Variants in ZDHHC22 observed in about 807,000 individuals in gnomAD.
ZDHHC22 encodes palmitoyltransferase ZDHHC22.
In ZDHHC22, 13 loss-of-function variants were observed where a neutral mutation model predicts 17.0. The observed-to-expected ratio is 0.76, with a 90% CI of 0.50 to 1.21. The LOEUF (loss-of-function observed/expected upper bound fraction) is 1.21, where lower values mean the gene tolerates loss of function less well. Among genes scored for constraint, ZDHHC22 ranks in the 50% most tolerant of loss-of-function variants. The probability of loss-of-function intolerance (pLI) is 0.00; values close to 1 mark genes in which losing one functional copy is unlikely to be tolerated. For missense variants in ZDHHC22, 319 were observed against 342.3 expected (o/e 0.93, Z 0.54); for synonymous variants, 138 against 154.7 (o/e 0.89, Z 0.80).
At chr14:77,138,175 G>A (rs1248153881) in intron 2 of ZDHHC22, among the ~76,000 whole-genome samples, 1 of 152,166 alleles carries the variant, frequency 6.6e-6, no homozygotes, top group Non-Finnish European at 1.5e-5. Context: ...CAGTCTCAAG[G>A]CCAAATAAAG....
In ZDHHC22 at chr14:77,131,374, T is replaced by TC. The variant is rs1887023881; in HGVS notation, c.*2308dup. The stretch of plus-strand genomic sequence containing the variant: ...ACATCTGGCAACCTCCCCACCGTCA[T>TC]CCCCCATTGACCAGTCTGCAAGCAG... On this transcript the variant is annotated 3_prime_UTR_variant, in exon 3 of 3. Transcript: ENST00000319374. The TC allele has an allele frequency of 6.6e-6, 1 of 152,188 alleles. No homozygotes were observed. Among genetic ancestry groups the TC allele is most frequent in the African/African-American group, 2.4e-5 (1 of 41,412 alleles). The allele number at this position is 152,188 out of a possible 1,614,324, so 9.4% of individuals were successfully genotyped here.
chr14:77,135,615 C>T (rs2140050865), intron 2 of ZDHHC22, among the ~76,000 whole-genome samples: 1 of 152,298 alleles, frequency 6.6e-6, no homozygotes, highest in East Asian at 1.9e-4. Flanking sequence ...CATGTCGGCA[C>T]AGATTAGCTT....
Position 77,140,860 on chromosome 14 carries a change from C to A in ZDHHC22, c.-15+743G>T, listed in dbSNP as rs990549642. ...GTTCCTGGCCAGCTTCGGAAGCCACCGAGAAATAGGATTCCGTGCGCCCGA... is the reference window on the plus strand; with the variant it reads ...GTTCCTGGCCAGCTTCGGAAGCCACAGAGAAATAGGATTCCGTGCGCCCGA... On this transcript the variant is annotated intron_variant, in intron 1 of 2. Coordinates refer to ENST00000319374, the MANE Select transcript of ZDHHC22 (RefSeq NM_174976.2). The surrounding 1 kb of genome is among the most constrained non-coding windows in gnomAD (Gnocchi z 5.9). 1.3e-5 allele frequency: 2 copies of A among 152,298 alleles called. No homozygotes were observed. Among genetic ancestry groups the A allele is most frequent in the Admixed American group, 6.5e-5 (1 of 15,282 alleles). 9.4% of individuals were successfully genotyped at this position (152,298 alleles called of 1,614,324 possible).
Position 77,139,749 on chromosome 14 carries a change from A to T in ZDHHC22, c.-11T>A. The T allele has an allele frequency of 6.8e-7, 1 of 1,480,370 alleles. No individual in the cohort carries two copies. Among genetic ancestry groups the T allele is most frequent in the East Asian group, 2.4e-5 (1 of 41,924 alleles). 91.7% of individuals were successfully genotyped at this position (1,480,370 alleles called of 1,614,324 possible). ...CCGCAGGGCCAGCATCCTCGATTAC[A>T]TTCCTGCGGGGCCCGGGGTGAGAAG... is the stretch of plus-strand genomic sequence containing the variant. On this transcript the variant is annotated 5_prime_UTR_variant, in exon 2 of 3. An upstream start codon of the reference 5' UTR is lost. Transcript: ENST00000319374.
At chr14:77,135,831 G>A (rs1887126570) in intron 2 of ZDHHC22, among the ~76,000 whole-genome samples, 1 of 152,178 alleles carries the variant, frequency 6.6e-6, no homozygotes, top group Non-Finnish European at 1.5e-5. Flanking sequence ...CTAAATCAAG[G>A]CATGAGAAAA....
rs1594828853 is a variant in ZDHHC22 at position 77,132,764 on chromosome 14, A to G, written c.*919T>C. 8.3e-6 allele frequency: 1 copy of G among 120,072 alleles called. No individual in the cohort carries two copies. Among genetic ancestry groups the G allele is most frequent in the South Asian group, 2.7e-4 (1 of 3,760 alleles). The allele number at this position is 120,072 out of a possible 1,614,324, so 7.4% of individuals were successfully genotyped here. ...TCCCTTTCCCCTAGGCATTATTCCT[A>G]TATGTTTCTAACAACACTTCTCACC... is the stretch of plus-strand genomic sequence containing the variant. On this transcript the variant is annotated 3_prime_UTR_variant, in exon 3 of 3. Coordinates refer to ENST00000319374, the MANE Select transcript of ZDHHC22 (RefSeq NM_174976.2).
rs554429324 is a variant in ZDHHC22 at position 77,139,129 on chromosome 14, T to C, written c.526+84A>G. ...TTTTATTTGCTAAATCTGGCAACTT[T>C]TGGGGTTGGGGTTTGGGGCCCGGCA... is the stretch of plus-strand genomic sequence containing the variant. On this transcript the variant is annotated intron_variant, in intron 2 of 2. Transcript: ENST00000319374. The C allele has an allele frequency of 2.6e-5, 37 of 1,432,148 alleles. 1 individual carries two copies. The highest frequency in any genetic ancestry group is 2.1e-4 in the South Asian group (15 of 71,872). The allele number at this position is 1,432,148 out of a possible 1,614,324, so 88.7% of individuals were successfully genotyped here.
At chr14:77,134,243 GC>G (rs1887093538) in intron 2 of ZDHHC22, among the ~76,000 whole-genome samples, 1 of 152,218 alleles carries the variant, frequency 6.6e-6, no homozygotes. Context: ...TCCTGGGGCA[GC>G]ACCTGGCCGC....
At position 77,132,202 on chromosome 14, in the gene ZDHHC22, G is replaced by A. The variant is rs117502738; in HGVS notation, c.*1481C>T. The A allele has an allele frequency of 3.6e-3, 549 of 152,736 alleles. 3 individuals carry two copies. Among genetic ancestry groups the A allele is most frequent in the Non-Finnish European group, 6.7e-3 (457 of 68,172 alleles). 9.5% of individuals were successfully genotyped at this position (152,736 alleles called of 1,614,324 possible). On this transcript the variant is annotated 3_prime_UTR_variant, in exon 3 of 3. Transcript: ENST00000319374. Reference sequence around the variant, plus strand: ...CACAGCAGTGCCTCCACCGGAGTCAGTCAGATGCGCAGGGATGGTCTGGGA... The same window carrying A: ...CACAGCAGTGCCTCCACCGGAGTCAATCAGATGCGCAGGGATGGTCTGGGA...
rs117424458 is a variant in ZDHHC22, at chr14:77,139,130, T to C, written c.526+83A>G. 1.9e-3 allele frequency: 2,707 copies of C among 1,434,000 alleles called. 67 individuals are homozygous for C. The East Asian group carries it at 0.055, about 29-fold the overall frequency. 88.8% of individuals were successfully genotyped at this position (1,434,000 alleles called of 1,614,324 possible). On this transcript the variant is annotated intron_variant, in intron 2 of 2. Transcript: ENST00000319374. ...TTTATTTGCTAAATCTGGCAACTTT[T>C]GGGGTTGGGGTTTGGGGCCCGGCAA...
At chr14:77,135,192 G>GGGC (rs910199157) in intron 2 of ZDHHC22, among the ~76,000 whole-genome samples, 2 of 26,292 alleles carry the variant, frequency 7.6e-5, no homozygotes, top group Non-Finnish European at 2.5e-4. Flanking sequence ...TCCTCTGGTG[G>GGGC]GGGGGGGGCA....
rs1887054067 is a variant in ZDHHC22 at position 77,132,803 on chromosome 14, C to CTG, written c.*879_*880insCA. On this transcript the variant is annotated 3_prime_UTR_variant, in exon 3 of 3. Coordinates refer to ENST00000319374, the MANE Select transcript of ZDHHC22 (RefSeq NM_174976.2). Reference sequence around the variant, plus strand: ...ACACTTCTCACCACCACCCATCTCTCTCTCTCTCTCTCTCACACACACACA... The same window carrying CTG: ...ACACTTCTCACCACCACCCATCTCTCTGTCTCTCTCTCTCTCACACACACACA... 8.5e-6 allele frequency: 1 copy of CTG among 118,272 alleles called. No individual in the cohort carries two copies. Among genetic ancestry groups the CTG allele is most frequent in the South Asian group, 3.2e-4 (1 of 3,160 alleles). 7.3% of individuals were successfully genotyped at this position (118,272 alleles called of 1,614,324 possible).
chr14:77,140,461 C>G lies in ZDHHC22; in HGVS notation c.-14-709G>C, dbSNP rs1004790127. On this transcript the variant is annotated intron_variant, in intron 1 of 2. Coordinates refer to ENST00000319374, the MANE Select transcript of ZDHHC22 (RefSeq NM_174976.2). The surrounding 1 kb of genome is among the most constrained non-coding windows in gnomAD (Gnocchi z 5.9). ...CAGACACGCAGCCTCTGCTATCTAG[C>G]TTTAAAAAAATCAATTGAAACAATC... 6.6e-6 allele frequency: 1 copy of G among 152,132 alleles called. No homozygotes were observed. Among genetic ancestry groups the G allele is most frequent in the African/African-American group, 2.4e-5 (1 of 41,424 alleles). The allele number at this position is 152,132 out of a possible 1,614,324, so 9.4% of individuals were successfully genotyped here.
intron 2 of ZDHHC22, 119 bp downstream of exon 2, chr14:77,139,094 C>T (rs925128622): frequency 6.4e-6 from 7 of 1,088,006 alleles, no homozygotes; most frequent in African/African-American, 3.2e-5. Context: ...TTTAGCGGGA[C>T]GGTCTGTATT....
rs1887229904 is a variant in ZDHHC22 at position 77,140,379 on chromosome 14, C to T, written c.-14-627G>A. ...GTGTGTCCTTGTCTGTGACTCTGTA[C>T]GTGTAATCTGTGTGCGCTTGAGTAT... On this transcript the variant is annotated intron_variant, in intron 1 of 2. Transcript: ENST00000319374. This position sits in a 1 kb window ranked among gnomAD's most constrained non-coding sequence, Gnocchi z 5.9. Among the ~76,000 whole-genome samples the T allele has an allele frequency of 6.6e-6, 1 of 152,138 alleles. No individual in the cohort carries two copies.
At chr14:77,138,326 G>C (rs1243130184) in intron 2 of ZDHHC22, among the ~76,000 whole-genome samples, 1 of 152,182 alleles carries the variant, frequency 6.6e-6, no homozygotes, top group Non-Finnish European at 1.5e-5. Context: ...GGGAGGCCAA[G>C]GTGGGCGGAT....
At chr14:77,137,972 G>A (rs1046757162) in intron 2 of ZDHHC22, among the ~76,000 whole-genome samples, 7 of 152,142 alleles carry the variant, frequency 4.6e-5, no homozygotes, top group Non-Finnish European at 8.8e-5. Context: ...ACCAGAGACT[G>A]CCACTCAGTA....
rs563187939 is a variant in ZDHHC22 at position 77,134,797 on chromosome 14, G to A, written c.527-849C>T. Among the ~76,000 whole-genome samples the A allele has an allele frequency of 6.6e-5, 10 of 152,290 alleles. No homozygotes were observed. In the East Asian group the frequency reaches 1.9e-3, roughly 29 times the overall value. ...CTAGGTTTGAATCTCCCAGCTGTGT[G>A]GACTGGCACAAGTGTCCCAACCTCT... is the stretch of plus-strand genomic sequence containing the variant. On this transcript the variant is annotated intron_variant, in intron 2 of 2. Coordinates refer to ENST00000319374, the MANE Select transcript of ZDHHC22 (RefSeq NM_174976.2).
At position 77,141,525 on chromosome 14, in the gene ZDHHC22, C is replaced by G. The variant is rs188902099; in HGVS notation, c.-15+78G>C. The G allele has an allele frequency of 9.0e-3, 1,395 of 154,630 alleles. 22 individuals are homozygous for G. Among genetic ancestry groups the G allele is most frequent in the African/African-American group, 0.032 (1,332 of 41,582 alleles). 9.6% of individuals were successfully genotyped at this position (154,630 alleles called of 1,614,324 possible). On this transcript the variant is annotated intron_variant, in intron 1 of 2. Coordinates refer to ENST00000319374, the MANE Select transcript of ZDHHC22 (RefSeq NM_174976.2). ...CGCGGGCTTCTCGGCCACTGCCTCC[C>G]GGACGCACGGGAAGCCGCCCCCCGC...
Sources: gnomAD v4.1 joint callset for allele counts (sites outside exome capture counted in the v4.1 genomes callset) on GRCh38, gnomAD v4.1.1 for gene constraint, Gnocchi (gnomAD v3.1) non-coding constraint, MANE v1.5 for transcripts, NCBI Gene and HGNC (gene_info 2026-07-23, HGNC 2026-07-21) for gene names.